Variants in SPTB observed in about 807,000 individuals in gnomAD.
SPTB encodes the protein spectrin beta, erythrocytic, also known as spectrin beta chain, erythrocytic.
In SPTB, 45 loss-of-function variants were observed where a neutral mutation model predicts 256.2. The ratio of observed to expected loss-of-function variants is 0.18; its 90% CI spans 0.14 to 0.23. SPTB has a LOEUF of 0.23. Ranked by LOEUF, SPTB falls within the 10% of genes least tolerant of loss-of-function variation. The pLI, the probability that SPTB is intolerant of heterozygous loss-of-function variation, is 1.00. For missense variants in SPTB, 2,715 were observed against 3,040.4 expected, an observed-to-expected ratio of 0.89 and a Z score of 2.52; for synonymous variants, 1,231 against 1,243.1, an observed-to-expected ratio of 0.99 and a Z score of 0.21.
chr14:64,826,948 A>G lies in SPTB; in HGVS notation c.-51-3803T>C, dbSNP rs1199736368. Among the ~76,000 whole-genome samples the G allele has an allele frequency of 6.6e-6, 1 of 152,154 alleles. No homozygotes were observed. Among genetic ancestry groups the G allele is most frequent in the Admixed American group, 6.5e-5 (1 of 15,276 alleles). ...AGAGGACTCAGCTCACAGAAGGAAC[A>G]TGTACTTATTAATGCATTTCACAAT... On this transcript the variant is annotated intron_variant, in intron 1 of 35. Transcript: ENST00000644917. The surrounding 1 kb of genome is among the most constrained non-coding windows in gnomAD (Gnocchi z 4.4).
chr14:64,822,825 G>A (rs1566787344), intron 2 of SPTB, 122 bp downstream of exon 2: 12 of 1,452,476 alleles, frequency 8.3e-6, no homozygotes, highest in South Asian at 5.8e-5. Flanking sequence ...CGACAAACAC[G>A]TCTCCATCAC....
At chr14:64,875,868 A>G (rs951585595) in intron 1 of SPTB, among the ~76,000 whole-genome samples, 5 of 152,182 alleles carry the variant, frequency 3.3e-5, no homozygotes, top group Non-Finnish European at 4.4e-5. Flanking sequence ...TGATCTTCCC[A>G]AGTTCATTGA....
chr14:64,791,565 CAAAAAAAAAAAA>C lies in SPTB; in HGVS notation c.2804+142_2804+153del, dbSNP rs563905446. Reference sequence around the variant, plus strand: ...TGGGTAAAAGAGTGAGGTTCTGTGTCAAAAAAAAAAAAAAAAAAAAAAAAAAGACAGGAATGT... The same window carrying C: ...TGGGTAAAAGAGTGAGGTTCTGTGTCAAAAAAAAAAAAAAGACAGGAATGT... On this transcript the variant is annotated intron_variant, in intron 15 of 35. Transcript: ENST00000644917. Among the ~76,000 whole-genome samples the C allele has an allele frequency of 5.1e-3, 233 of 45,846 alleles. 1 individual carries two copies. Among genetic ancestry groups the C allele is most frequent in the Middle Eastern group, 0.043 (3 of 70 alleles). The allele number at this position is 45,846 out of a possible 152,430, so 30.1% of individuals were successfully genotyped here.
intron 2 of SPTB, among the ~76,000 whole-genome samples, chr14:64,818,758 G>A (rs1049023635): frequency 6.6e-6 from 1 of 152,190 alleles, no homozygotes; most frequent in Admixed American, 6.5e-5. Context: ...AAATGGGGCT[G>A]TGTGACAATT....
Position 64,793,379 on chromosome 14 carries a change from C to A in SPTB, c.2284G>T (p.Ala762Ser), listed in dbSNP as rs369439568. The change falls in exon 14 of 36, where the codon GCC becomes TCC. Residue 762 changes from alanine (A) to serine (S), a missense_variant. By Grantham distance (99) the Ala-to-Ser change is moderately conservative. Transcript: ENST00000644917. This position sits in a 1 kb window ranked among gnomAD's most constrained non-coding sequence, Gnocchi z 7.0. Reference protein sequence around the residue: ...ADDLKAWLQDAHRLLSGEDVG... With the variant: ...ADDLKAWLQDSHRLLSGEDVG... Reference sequence around the variant, plus strand: ...TCTTCACCAGAGAGCAGCCGGTGGGCGTCTTGCAGCCAAGCCTTCAGGTCA... The same window carrying A: ...TCTTCACCAGAGAGCAGCCGGTGGGAGTCTTGCAGCCAAGCCTTCAGGTCA... 2.5e-6 allele frequency: 4 copies of A among 1,612,652 alleles called. No individual in the cohort carries two copies. Among genetic ancestry groups the A allele is most frequent in the African/African-American group, 2.7e-5 (2 of 74,936 alleles).
In SPTB at chr14:64,793,164, C is replaced by T. The variant is rs750984350; in HGVS notation, c.2499G>A (p.Val833=). The change falls in exon 14 of 36, where the codon GTG becomes GTA. Residue 833 remains valine (V), a synonymous_variant. Transcript: ENST00000644917. This position sits in a 1 kb window ranked among gnomAD's most constrained non-coding sequence, Gnocchi z 7.0. ...GCTGACGCAGGTCCGCCTGGGCCAC[C>T]ACCTGTTGGTAGAGCTCCCGCAGGG... The part of the protein sequence containing the change: ...LQALRELYQQ[V]VAQADLRQQR... 3.5e-5 allele frequency: 56 copies of T among 1,613,878 alleles called. No individual in the cohort carries two copies. The African/African-American group carries it at 5.3e-4, about 15-fold the overall frequency.
At chr14:64,869,137 GT>G (rs1882366936) in intron 1 of SPTB, among the ~76,000 whole-genome samples, 1 of 152,062 alleles carries the variant, frequency 6.6e-6, no homozygotes, top group South Asian at 2.1e-4. Context: ...ACACACATGG[GT>G]TCAAGTCCAG....
At chr14:64,834,754 G>A (rs2083497150) in intron 1 of SPTB, among the ~76,000 whole-genome samples, 1 of 151,556 alleles carries the variant, frequency 6.6e-6, no homozygotes, top group Non-Finnish European at 1.5e-5. Context: ...AAATCCTTTA[G>A]AACAGCTTTG....
In SPTB at chr14:64,773,263, A is replaced by G; in HGVS notation, c.5135T>C (p.Val1712Ala). 1 of 1,614,198 alleles carries G rather than the reference A, an allele frequency of 6.2e-7. No individual in the cohort carries two copies. The highest frequency in any genetic ancestry group is 1.1e-5 in the South Asian group (1 of 91,088). Residue 1712 changes from valine (V) to alanine (A), a missense_variant, in exon 25 of 36, where the codon GTG becomes GCG. Val to Ala is a moderately conservative substitution (Grantham distance 64). Transcript: ENST00000644917. ...TTGCCCCATTTCCGGGGAAGAGGCCACTAGCTCCTTTTCTGAAATCCACTG... is the reference window on the plus strand; with the variant it reads ...TTGCCCCATTTCCGGGGAAGAGGCCGCTAGCTCCTTTTCTGAAATCCACTG... ...LEQWISEKELVASSPEMGQDF... is the reference protein window; with the variant it reads ...LEQWISEKELAASSPEMGQDF...
Position 64,831,634 on chromosome 14 carries a change from T to C in SPTB, c.-51-8489A>G, listed in dbSNP as rs140150875. 7.1e-3 allele frequency among the ~76,000 whole-genome samples: 1,080 copies of C among 152,350 alleles called. 4 individuals carry two copies. The highest frequency in any genetic ancestry group is 0.027 in the South Asian group (129 of 4,820). On this transcript the variant is annotated intron_variant, in intron 1 of 35. Coordinates refer to ENST00000644917, the MANE Select transcript of SPTB (RefSeq NM_001355436.2). ...ATTCTGGCGGGCTGTCTGCCAGGACTCAGGCAGGCTAAGTGTGGCTCTGCT... is the reference window on the plus strand; with the variant it reads ...ATTCTGGCGGGCTGTCTGCCAGGACCCAGGCAGGCTAAGTGTGGCTCTGCT...
intron 2 of SPTB, among the ~76,000 whole-genome samples, chr14:64,810,843 T>C (rs2083075307): frequency 6.6e-6 from 1 of 152,202 alleles, no homozygotes; most frequent in Non-Finnish European, 1.5e-5. Flanking sequence ...GGACCAGGCA[T>C]TGTGGCTCAC....
chr14:64,762,064 A>C (rs959844116), intron 32 of SPTB, among the ~76,000 whole-genome samples: 3 of 152,186 alleles, frequency 2.0e-5, no homozygotes, highest in African/African-American at 7.2e-5. Flanking sequence ...AGCAGCGGGC[A>C]GGTGTCCAGA....
rs139214218 is a variant in SPTB at position 64,786,632 on chromosome 14, G to A, written c.3333C>T (p.Asp1111=). ...CACGCTGGTAGCTGTCTTGGTGCCCGTCAATCTCATCCTTGATACCTGCAT... is the reference window on the plus strand; with the variant it reads ...CACGCTGGTAGCTGTCTTGGTGCCCATCAATCTCATCCTTGATACCTGCAT... ...QQHAGIKDEI[D]GHQDSYQRVK... is the part of the protein sequence containing the mutation. Residue 1111 remains aspartate, a synonymous_variant, in exon 16 of 36, where the codon GAC becomes GAT. Coordinates refer to ENST00000644917, the MANE Select transcript of SPTB (RefSeq NM_001355436.2). This position sits in a 1 kb window ranked among gnomAD's most constrained non-coding sequence, Gnocchi z 5.6. The A allele has an allele frequency of 3.4e-5, 55 of 1,613,996 alleles. No individual in the cohort carries two copies. Among genetic ancestry groups the A allele is most frequent in the East Asian group, 1.1e-4 (5 of 44,892 alleles).
rs1485522183 is a variant in SPTB at position 64,816,815 on chromosome 14, A to G, written c.148+6132T>C. Among the ~76,000 whole-genome samples, 1 of 152,096 alleles carries G rather than the reference A, an allele frequency of 6.6e-6. No individual in the cohort carries two copies. Among genetic ancestry groups the G allele is most frequent in the East Asian group, 1.9e-4 (1 of 5,180 alleles). ...CACCCTTGGCACCTCCTCAGCCAAG[A>G]AGCATGTGGGGGACACATGGGGCAG... On this transcript the variant is annotated intron_variant, in intron 2 of 35. Transcript: ENST00000644917. The surrounding 1 kb of genome is among the most constrained non-coding windows in gnomAD (Gnocchi z 4.2).
In SPTB at chr14:64,793,989, G is replaced by C. The variant is rs936515091; in HGVS notation, c.1796-122C>G. On this transcript the variant is annotated intron_variant, in intron 13 of 35. Transcript: ENST00000644917. This position sits in a 1 kb window ranked among gnomAD's most constrained non-coding sequence, Gnocchi z 7.0. Reference sequence around the variant, plus strand: ...AAGCTGCCATGTCACTGGGGCTTTGGGGTTGGATGCAGGGGGGTCCCAGTT... The same window carrying C: ...AAGCTGCCATGTCACTGGGGCTTTGCGGTTGGATGCAGGGGGGTCCCAGTT... 5.3e-6 allele frequency: 5 copies of C among 946,302 alleles called. No individual in the cohort carries two copies. In the East Asian group the frequency reaches 1.3e-4, roughly 25 times the overall value. The allele number at this position is 946,302 out of a possible 1,614,324, so 58.6% of individuals were successfully genotyped here.
Position 64,759,898 on chromosome 14 carries a change from G to GGAGAATAAA in SPTB, c.6346-6106_6346-6105insTTTATTCTC, listed in dbSNP as rs2082068671. ...AATGGAGGTGAAGGAGAATTGCAGA[G>GGAGAATAAA]TGGGCTGAATAAGGGAAGGCACTGC... On this transcript the variant is annotated intron_variant, in intron 32 of 35. Coordinates refer to ENST00000644917, the MANE Select transcript of SPTB (RefSeq NM_001355436.2). This position sits in a 1 kb window ranked among gnomAD's most constrained non-coding sequence, Gnocchi z 4.8. 6.6e-6 allele frequency among the ~76,000 whole-genome samples: 1 copy of GGAGAATAAA among 152,240 alleles called. No homozygotes were observed. The highest frequency in any genetic ancestry group is 2.1e-4 in the South Asian group (1 of 4,834).
chr14:64,797,553 G>GAGTAGAGTCT (rs2139611865), intron 10 of SPTB, among the ~76,000 whole-genome samples, 176 bp downstream of exon 10: 2 of 149,848 alleles, frequency 1.3e-5, no homozygotes, highest in South Asian at 4.3e-4. Context: ...GAGGGTGGGG[G>GAGTAGAGTCT]AGTAGAGTCT....
At chr14:64,754,003 T>C in intron 32 of SPTB, 1 of 668,590 alleles carries the variant, frequency 1.5e-6, no homozygotes, top group South Asian at 1.7e-5. Context: ...TCTGGCTCCA[T>C]TTCCACCCCA....
At chr14:64,801,198 A>G in intron 7 of SPTB, 87 bp downstream of exon 7, 1 of 1,207,358 alleles carries the variant, frequency 8.3e-7, no homozygotes, top group Non-Finnish European at 1.2e-6. Flanking sequence ...GCCGGCCTCC[A>G]GAAGTCCTGG....
Sources: allele counts gnomAD v4.1 joint callset (sites outside exome capture counted in the v4.1 genomes callset), GRCh38; gene constraint gnomAD v4.1.1; non-coding constraint Gnocchi (gnomAD v3.1); transcripts MANE v1.5; gene names NCBI Gene and HGNC (gene_info 2026-07-23, HGNC 2026-07-21).